The following AFDN variants were observed in gnomAD, a reference collection of about 807,000 sequenced individuals.
The protein encoded by AFDN is afadin.
In AFDN, 68 loss-of-function variants were observed where a neutral mutation model predicts 216.6. The ratio of observed to expected loss-of-function variants is 0.31; its 90% CI spans 0.26 to 0.38. The LOEUF (loss-of-function observed/expected upper bound fraction) is 0.38. AFDN is among the 10% of genes least tolerant of loss of function. The pLI is 1.00. For missense variants in AFDN, 2,136 were observed against 2,342.0 expected, an observed-to-expected ratio of 0.91 and a Z score of 1.82; for synonymous variants, 868 against 853.7, an observed-to-expected ratio of 1.02 and a Z score of -0.29.
In AFDN at chr6:167,950,543, G is replaced by A. The variant is rs114413325; in HGVS notation, c.3832-643G>A. 8.6e-3 allele frequency among the ~76,000 whole-genome samples: 1,316 copies of A among 152,168 alleles called. 23 individuals carry two copies. The highest frequency in any genetic ancestry group is 0.03 in the African/African-American group (1,247 of 41,490). On this transcript the variant is annotated intron_variant, in intron 29 of 33. Transcript: ENST00000683244. ...GGAGCGGACGTATCGCAGATGTGTG[G>A]GACTTGTCCTTGCATTACTGTGCAC...
At chr6:167,894,290 C>T (rs639094) in intron 9 of AFDN, among the ~76,000 whole-genome samples, 107,870 of 152,030 alleles carry the variant, frequency 0.71, 38,747 homozygotes, top group East Asian at 0.87. Context: ...GTAGCAGTGC[C>T]GTTACTGTCT....
chr6:167,966,957 C>T (rs1344637738), intron 32 of AFDN, among the ~76,000 whole-genome samples: 3 of 152,228 alleles, frequency 2.0e-5, no homozygotes, highest in Non-Finnish European at 4.4e-5. Context: ...GCAGCCAGAC[C>T]TTAGCAGGCG....
chr6:167,971,429 A>T lies in AFDN; in HGVS notation c.*1494A>T, dbSNP rs752598432. On this transcript the variant is annotated 3_prime_UTR_variant, in exon 34 of 34. Coordinates refer to ENST00000683244, the MANE Select transcript of AFDN (RefSeq NM_001386888.1). ...AATCATTAAAAATGCGAGTGTAAATATTTTTTTTTACCTCTATCAGGGTTT... is the reference window on the plus strand; with the variant it reads ...AATCATTAAAAATGCGAGTGTAAATTTTTTTTTTTACCTCTATCAGGGTTT... 7 of 197,644 alleles carry T rather than the reference A, an allele frequency of 3.5e-5. No homozygotes were observed. Among genetic ancestry groups the T allele is most frequent in the South Asian group, 1.9e-4 (1 of 5,192 alleles). The allele number at this position is 197,644 out of a possible 1,614,324, so 12.2% of individuals were successfully genotyped here.
intron 10 of AFDN, among the ~76,000 whole-genome samples, chr6:167,897,317 A>G (rs1226781878): frequency 6.6e-6 from 1 of 152,228 alleles, no homozygotes; most frequent in Non-Finnish European, 1.5e-5. Context: ...CTGACCACAT[A>G]GCATTAGGCA....
rs758803183 is a variant in AFDN at position 167,889,240 on chromosome 6, A to C, written c.923A>C (p.His308Pro). 6.2e-7 allele frequency: 1 copy of C among 1,614,040 alleles called. No individual in the cohort carries two copies. The change falls in exon 7 of 34, where the codon CAT (histidine) becomes CCT (proline). Residue 308 changes from histidine to proline, a missense_variant. Physicochemically the swap from His to Pro is moderately conservative, Grantham distance 77 (BLOSUM62 -2). Around this residue, in one of 8 missense-constraint regions of AFDN, gnomAD observed 817 missense variants for 965.7 expected, o/e 0.85. Coordinates refer to ENST00000683244, the MANE Select transcript of AFDN (RefSeq NM_001386888.1). ...GTTATGCTTCCTCCTGGAGCCCAGC[A>C]TTCTGATGAAAAGGGTGCTAAAGAA... Reference protein sequence around the residue: ...ARVMLPPGAQHSDEKGAKEII... With the variant: ...ARVMLPPGAQPSDEKGAKEII...
chr6:167,875,330 T>G lies in AFDN; in HGVS notation c.579-5T>G. The G allele has an allele frequency of 6.3e-7, 1 of 1,599,070 alleles. No homozygotes were observed. The highest frequency in any genetic ancestry group is 1.8e-5 in the Admixed American group (1 of 55,672). ...AAATATTTTTGGTATTTTTTTTTCT[T>G]ACAGTGAAAATTCTCGACTGGCTGC... On this transcript the variant is annotated splice_region_variant and splice_polypyrimidine_tract_variant and intron_variant, in intron 4 of 33. Coordinates refer to ENST00000683244, the MANE Select transcript of AFDN (RefSeq NM_001386888.1).
chr6:167,844,179 TGTGTG>T (rs1781380815), intron 1 of AFDN, among the ~76,000 whole-genome samples: 2 of 14,354 alleles, frequency 1.4e-4, no homozygotes, highest in Admixed American at 1.3e-3. Flanking sequence ...AAAAATGAAG[TGTGTG>T]TGTGTGTGTG....
At chr6:167,864,073 A>G (rs1314334364) in intron 1 of AFDN, among the ~76,000 whole-genome samples, 3 of 152,190 alleles carry the variant, frequency 2.0e-5, no homozygotes, top group South Asian at 2.1e-4. Flanking sequence ...GGAGCTGGAA[A>G]GGGACCTCAC....
chr6:167,935,246 A>C (rs1354567632), intron 23 of AFDN, among the ~76,000 whole-genome samples: 2 of 152,310 alleles, frequency 1.3e-5, no homozygotes. Context: ...TAAAATGTTA[A>C]GATCAAACAG....
In AFDN at chr6:167,960,311, G is replaced by A. The variant is rs1234072396; in HGVS notation, c.4834-2122G>A. ...AACTGATGAGCTGAACACAAGTGGA[G>A]GCTCCTTGCTGACCGCATTCCAGAT... On this transcript the variant is annotated intron_variant, in intron 30 of 33. Coordinates refer to ENST00000683244, the MANE Select transcript of AFDN (RefSeq NM_001386888.1). Among the ~76,000 whole-genome samples the A allele has an allele frequency of 2.0e-5, 3 of 152,182 alleles. No individual in the cohort carries two copies. In the East Asian group the frequency reaches 5.8e-4, roughly 29 times the overall value.
chr6:167,902,452 G>A, intron 12 of AFDN, 66 bp downstream of exon 12: 2 of 1,179,804 alleles, frequency 1.7e-6, no homozygotes, highest in African/African-American at 1.5e-5. Context: ...GAATACAGTA[G>A]TGGTGGGGGA....
Position 167,915,339 on chromosome 6 carries a change from C to T in AFDN, c.2471C>T (p.Ala824Val), listed in dbSNP as rs201360618. The part of the protein sequence containing the change: ...DSGLCSHYWG[A>V]IIRQQLGHIE... ...GGGCTGTGCTCCCATTACTGGGGTGCGATTATCCGTCAGCAGTTGGGCCAT... is the reference window on the plus strand; with the variant it reads ...GGGCTGTGCTCCCATTACTGGGGTGTGATTATCCGTCAGCAGTTGGGCCAT... Residue 824 changes from alanine (A) to valine (V), a missense_variant, in exon 19 of 34, where the codon GCG becomes GTG. This residue lies in a region of AFDN where 817 missense variants were observed against 965.7 expected (regional missense o/e 0.85). Coordinates refer to ENST00000683244, the MANE Select transcript of AFDN (RefSeq NM_001386888.1). 1.4e-4 allele frequency: 223 copies of T among 1,614,076 alleles called. No individual in the cohort carries two copies. Among genetic ancestry groups the T allele is most frequent in the Admixed American group, 2.8e-4 (17 of 60,008 alleles).
In AFDN at chr6:167,922,246, G is replaced by T. The variant is rs576250243; in HGVS notation, c.2909-610G>T. 5.9e-5 allele frequency among the ~76,000 whole-genome samples: 9 copies of T among 152,304 alleles called. No homozygotes were observed. The South Asian group carries it at 1.9e-3, about 32-fold the overall frequency. On this transcript the variant is annotated intron_variant, in intron 21 of 33. Coordinates refer to ENST00000683244, the MANE Select transcript of AFDN (RefSeq NM_001386888.1). ...CTTACTTTTACAAAGCATGTCATTTGTCCCTGATGAAAATATCAGAGATAT... is the reference window on the plus strand; with the variant it reads ...CTTACTTTTACAAAGCATGTCATTTTTCCCTGATGAAAATATCAGAGATAT...
chr6:167,959,584 A>G (rs879587103), intron 30 of AFDN, among the ~76,000 whole-genome samples: 1 of 152,230 alleles, frequency 6.6e-6, no homozygotes, highest in South Asian at 2.1e-4. Flanking sequence ...AAGGGCTTTA[A>G]CAGAGTCGTG....
At chr6:167,833,778 C>T (rs1412004079) in intron 1 of AFDN, among the ~76,000 whole-genome samples, 1 of 152,126 alleles carries the variant, frequency 6.6e-6, no homozygotes, top group East Asian at 1.9e-4. Context: ...ACAATATGGT[C>T]ACTCTCAGAC....
intron 32 of AFDN, 172 bp downstream of exon 32, chr6:167,966,217 A>T: frequency 1.3e-6 from 2 of 1,533,326 alleles, no homozygotes; most frequent in Non-Finnish European, 1.7e-6. Context: ...AAAAAAGGCC[A>T]GCCCCTGCCC....
intron 11 of AFDN, among the ~76,000 whole-genome samples, chr6:167,901,151 C>G (rs1241371732): frequency 6.6e-6 from 1 of 152,126 alleles, no homozygotes; most frequent in Non-Finnish European, 1.5e-5. Flanking sequence ...ATAAAAGTTT[C>G]CCATTACCAT....
chr6:167,855,684 G>A (rs1182985019), intron 1 of AFDN, among the ~76,000 whole-genome samples: 5 of 152,040 alleles, frequency 3.3e-5, no homozygotes, highest in African/African-American at 1.2e-4. Context: ...CTCGGAGCTG[G>A]AATAACATCA....
chr6:167,862,434 G>A (rs1783694780), intron 1 of AFDN, among the ~76,000 whole-genome samples: 1 of 151,912 alleles, frequency 6.6e-6, no homozygotes, highest in African/African-American at 2.4e-5. Context: ...GGAGTGCAGT[G>A]GCGCGATCTT....
Sources: gnomAD v4.1 joint callset for allele counts (sites outside exome capture counted in the v4.1 genomes callset) on GRCh38, gnomAD v4.1.1 for gene constraint, gnomAD v4.1.1 regional missense constraint, MANE v1.5 for transcripts, NCBI Gene and HGNC (gene_info 2026-07-23, HGNC 2026-07-21) for gene names.